The following GRID2 variants were observed in gnomAD, a reference collection of about 807,000 sequenced individuals.
The protein encoded by GRID2 is glutamate ionotropic receptor delta type subunit 2.
In GRID2, 33 loss-of-function variants were observed where a neutral mutation model predicts 114.8. The observed-to-expected ratio is 0.29, with a 90% CI of 0.22 to 0.38. The LOEUF (loss-of-function observed/expected upper bound fraction) is 0.38, where lower values mean the gene tolerates loss of function less well. Among genes scored for constraint, GRID2 ranks in the 10% least tolerant of loss-of-function variants. The pLI is 1.00. For missense variants in GRID2, 1,184 were observed against 1,257.7 expected, an observed-to-expected ratio of 0.94 and a Z score of 0.89; for synonymous variants, 505 against 449.9, an observed-to-expected ratio of 1.12 and a Z score of -1.55.
chr4:93,169,562 G>A (rs531655030), intron 4 of GRID2, among the ~76,000 whole-genome samples: 2 of 152,108 alleles, frequency 1.3e-5, no homozygotes, highest in African/African-American at 4.8e-5. Flanking sequence ...CATTGCCAAG[G>A]GTCAAATATT....
intron 2 of GRID2, among the ~76,000 whole-genome samples, chr4:92,637,744 C>T (rs140049592): frequency 6.6e-6 from 1 of 152,106 alleles, no homozygotes; most frequent in Non-Finnish European, 1.5e-5. Flanking sequence ...TGGCTTCCAA[C>T]TGTGACAGCA....
In GRID2 at chr4:93,696,989, C is replaced by A. The variant is rs139763665; in HGVS notation, c.2360+70554C>A. Among the ~76,000 whole-genome samples, 295 of 152,158 alleles carry A rather than the reference C, an allele frequency of 1.9e-3. 1 individual carries two copies. The highest frequency in any genetic ancestry group is 3.4e-3 in the Non-Finnish European group (233 of 67,994). ...AAAACTGATGTCATAATGCATTAAC[C>A]CACTCTATGTTATTTTCCTGAAACA... On this transcript the variant is annotated intron_variant, in intron 14 of 15. Transcript: ENST00000282020.
chr4:92,511,002 G>C (rs540179244), intron 1 of GRID2, among the ~76,000 whole-genome samples: 1 of 151,890 alleles, frequency 6.6e-6, no homozygotes, highest in South Asian at 2.1e-4. Flanking sequence ...AGAATACTGA[G>C]AGTTTGGCTT....
intron 10 of GRID2, among the ~76,000 whole-genome samples, chr4:93,449,333 A>T (rs1722460805): frequency 6.6e-6 from 1 of 152,044 alleles, no homozygotes; most frequent in Non-Finnish European, 1.5e-5. Context: ...CTGAAGTGAT[A>T]CGTGAATTAC....
At chr4:93,654,504 A>T (rs1722840617) in intron 14 of GRID2, among the ~76,000 whole-genome samples, 1 of 152,164 alleles carries the variant, frequency 6.6e-6, no homozygotes, top group Non-Finnish European at 1.5e-5. Context: ...GCTTTTTCTG[A>T]CACATATTTG....
At chr4:92,491,711 T>G (rs776486797) in intron 1 of GRID2, among the ~76,000 whole-genome samples, 1 of 151,972 alleles carries the variant, frequency 6.6e-6, no homozygotes, top group Non-Finnish European at 1.5e-5. Flanking sequence ...GTGTACATGA[T>G]GTCAACAGAA....
chr4:93,389,136 T>C (rs1168783750), intron 8 of GRID2, among the ~76,000 whole-genome samples: 3 of 152,134 alleles, frequency 2.0e-5, no homozygotes, highest in Admixed American at 2.0e-4. Context: ...ATGATTCAGA[T>C]GGTACCCATG....
chr4:93,399,457 C>G (rs1053347333), intron 9 of GRID2, among the ~76,000 whole-genome samples: 1 of 152,076 alleles, frequency 6.6e-6, no homozygotes, highest in Non-Finnish European at 1.5e-5. Flanking sequence ...ATAAGTGGTG[C>G]TCTCAAACAT....
Position 92,666,650 on chromosome 4 carries a change from G to GTTTTTTTTTTTTTTTTTTTTTTTTTTTTT in GRID2, c.244+76384_244+76385insTTTTTTTTTTTTTTTTTTTTTTTTTTTTT, listed in dbSNP as rs70942922. Among the ~76,000 whole-genome samples the GTTTTTTTTTTTTTTTTTTTTTTTTTTTTT allele has an allele frequency of 1.2e-4, 8 of 68,592 alleles. 1 individual carries two copies. Among genetic ancestry groups the GTTTTTTTTTTTTTTTTTTTTTTTTTTTTT allele is most frequent in the African/African-American group, 1.6e-4 (3 of 19,054 alleles). 45.0% of individuals were successfully genotyped at this position (68,592 alleles called of 152,430 possible). ...AGGCTGATGTGTAAACTTAAGGGTT[G>GTTTTTTTTTTTTTTTTTTTTTTTTTTTTT]TTTTTTTTTTTTTTTTTTTTCAGAT... is the stretch of plus-strand genomic sequence containing the variant. On this transcript the variant is annotated intron_variant, in intron 2 of 15. Transcript: ENST00000282020.
At chr4:93,704,778 A>G (rs546256891) in intron 14 of GRID2, among the ~76,000 whole-genome samples, 1 of 152,294 alleles carries the variant, frequency 6.6e-6, no homozygotes, top group East Asian at 1.9e-4. Flanking sequence ...GTTTCAAATG[A>G]CAGGATCTCA....
intron 2 of GRID2, among the ~76,000 whole-genome samples, chr4:93,022,267 T>C (rs904897905): frequency 1.3e-5 from 2 of 151,964 alleles, no homozygotes; most frequent in African/African-American, 4.8e-5. Flanking sequence ...TATTTATATG[T>C]GGGCATATAT....
intron 2 of GRID2, among the ~76,000 whole-genome samples, chr4:92,599,684 CT>C (rs1484547425): frequency 3.9e-5 from 6 of 152,020 alleles, no homozygotes; most frequent in Non-Finnish European, 8.8e-5. Flanking sequence ...ATTTCTTAAG[CT>C]ATATTTCAAA....
chr4:93,249,263 T>C (rs1579422749), intron 8 of GRID2, among the ~76,000 whole-genome samples: 2 of 152,194 alleles, frequency 1.3e-5, no homozygotes, highest in East Asian at 1.9e-4. Flanking sequence ...CATGCTGTTT[T>C]GGTTACTGTA....
intron 2 of GRID2, chr4:92,822,144 A>G: frequency 2.9e-6 from 1 of 347,678 alleles, no homozygotes; most frequent in South Asian, 2.3e-5. Context: ...CTTGCCTTCT[A>G]AGTCCCAGAT....
chr4:93,266,905 T>C (rs999082218), intron 8 of GRID2, among the ~76,000 whole-genome samples: 6 of 152,140 alleles, frequency 3.9e-5, no homozygotes, highest in South Asian at 4.1e-4. Flanking sequence ...TTGGACCGTG[T>C]ACTCATCACG....
chr4:92,918,354 A>G (rs1404896480), intron 2 of GRID2, among the ~76,000 whole-genome samples: 8 of 151,838 alleles, frequency 5.3e-5, no homozygotes, highest in African/African-American at 9.7e-5. Context: ...TCCTTCTCCT[A>G]CCTGATTGCC....
chr4:92,373,096 T>C (rs1349938666), intron 1 of GRID2, among the ~76,000 whole-genome samples: 2 of 152,106 alleles, frequency 1.3e-5, no homozygotes, highest in Admixed American at 6.6e-5. Context: ...TCATGCTAGG[T>C]AATTTGGGGG....
rs549232117 is a variant in GRID2 at position 92,482,610 on chromosome 4, T to G, written c.89-107521T>G. Among the ~76,000 whole-genome samples the G allele has an allele frequency of 7.2e-4, 110 of 152,306 alleles. 1 individual carries two copies. Among genetic ancestry groups the G allele is most frequent in the African/African-American group, 2.4e-3 (101 of 41,572 alleles). On this transcript the variant is annotated intron_variant, in intron 1 of 15. Transcript: ENST00000282020. ...ATAGTTACCCAATTAAAATCTACTT[T>G]TTTTAAGACGAGATTAATTTAAGTC...
chr4:92,463,532 A>G (rs983391556), intron 1 of GRID2, among the ~76,000 whole-genome samples: 1 of 152,016 alleles, frequency 6.6e-6, no homozygotes, highest in Non-Finnish European at 1.5e-5. Context: ...GTGAGCCTCA[A>G]TTCTTATGTC....
Sources: allele counts gnomAD v4.1 joint callset (sites outside exome capture counted in the v4.1 genomes callset), GRCh38; gene constraint gnomAD v4.1.1; transcripts MANE v1.5; gene names NCBI Gene and HGNC (gene_info 2026-07-23, HGNC 2026-07-21).